CACNA1E: variants seen among roughly 807,000 people sequenced by gnomAD.
The protein encoded by CACNA1E is voltage-dependent R-type calcium channel subunit alpha-1E.
Under a neutral mutation model 259.2 loss-of-function variants are expected in CACNA1E, and 40 were observed. The observed-to-expected ratio is 0.15, with a 90% confidence interval of 0.12 to 0.20. The LOEUF (loss-of-function observed/expected upper bound fraction) is 0.20, where lower values mean the gene tolerates loss of function less well. CACNA1E is among the 10% of genes least tolerant of loss of function. CACNA1E has a pLI of 1.00. For synonymous variants in CACNA1E, 1,104 were observed against 1,138.5 expected, an observed-to-expected ratio of 0.97 and a Z score of 0.61; for missense variants, 1,874 against 3,040.1, an observed-to-expected ratio of 0.62 and a Z score of 9.02.
intron 1 of CACNA1E, among the ~76,000 whole-genome samples, chr1:181,370,887 AC>A (rs1209870882): frequency 2.6e-5 from 4 of 152,216 alleles, no homozygotes; most frequent in African/African-American, 9.6e-5. Context: ...TTACATTTCT[AC>A]CATCAGCATA....
At chr1:181,422,717 G>A (rs957220054) in intron 2 of CACNA1E, among the ~76,000 whole-genome samples, 1 of 152,146 alleles carries the variant, frequency 6.6e-6, no homozygotes, top group Non-Finnish European at 1.5e-5. Context: ...TACTTAGTCC[G>A]ATGCTTGGTT....
intron 6 of CACNA1E, among the ~76,000 whole-genome samples, chr1:181,624,425 A>T (rs1418973573): frequency 6.6e-6 from 1 of 152,178 alleles, no homozygotes; most frequent in Non-Finnish European, 1.5e-5. Flanking sequence ...TTTGAAACTG[A>T]AGTCAATCCT....
intron 1 of CACNA1E, among the ~76,000 whole-genome samples, chr1:181,322,542 C>G (rs1406146909): frequency 6.6e-6 from 1 of 152,174 alleles, no homozygotes; most frequent in Non-Finnish European, 1.5e-5. Flanking sequence ...TGTGTGGTAC[C>G]TTTCTCATTG....
At chr1:181,369,083 CTT>C (rs771539807) in intron 1 of CACNA1E, among the ~76,000 whole-genome samples, 1 of 152,088 alleles carries the variant, frequency 6.6e-6, no homozygotes, top group African/African-American at 2.4e-5. Context: ...AGAGTAGACT[CTT>C]TTGTCTAAGC....
chr1:181,616,920 A>AT (rs1306167285), intron 6 of CACNA1E, among the ~76,000 whole-genome samples: 1 of 152,146 alleles, frequency 6.6e-6, no homozygotes, highest in African/African-American at 2.4e-5. Context: ...TTTTGAAGTA[A>AT]TTTATCCATT....
At chr1:181,356,341 C>CCTGT (rs1553234184) in intron 1 of CACNA1E, among the ~76,000 whole-genome samples, 1 of 146,976 alleles carries the variant, frequency 6.8e-6, no homozygotes, top group Non-Finnish European at 1.5e-5. Flanking sequence ...GCCTTCTATT[C>CCTGT]GTGTGTGTGT....
intron 25 of CACNA1E, among the ~76,000 whole-genome samples, chr1:181,747,527 G>A (rs1657206960): frequency 6.6e-6 from 1 of 150,944 alleles, no homozygotes; most frequent in South Asian, 2.1e-4. Context: ...AAAATGTGTG[G>A]CCCAATTGAG....
intron 6 of CACNA1E, among the ~76,000 whole-genome samples, chr1:181,639,625 G>A (rs1434822612): frequency 6.6e-6 from 1 of 152,140 alleles, no homozygotes; most frequent in Non-Finnish European, 1.5e-5. Context: ...CTAATGAACG[G>A]CAGAGAGAGC....
intron 6 of CACNA1E, among the ~76,000 whole-genome samples, chr1:181,592,532 A>G (rs1652762844): frequency 6.6e-6 from 1 of 151,106 alleles, no homozygotes; most frequent in African/African-American, 2.4e-5. Context: ...AAGTAGGGGA[A>G]AGGTAATTTA....
chr1:181,726,796 C>G (rs1654947503), intron 18 of CACNA1E, among the ~76,000 whole-genome samples: 1 of 151,532 alleles, frequency 6.6e-6, no homozygotes, highest in Admixed American at 6.6e-5. Flanking sequence ...AGAGTCTGCT[C>G]TCAGAGTAAA....
chr1:181,339,218 G>A (rs1165254367), intron 1 of CACNA1E, among the ~76,000 whole-genome samples: 3 of 152,072 alleles, frequency 2.0e-5, no homozygotes, highest in Admixed American at 6.6e-5. Context: ...AATTTTGATA[G>A]GGATTGTGCT....
chr1:181,474,256 A>G (rs1662700193), intron 2 of CACNA1E, among the ~76,000 whole-genome samples: 1 of 152,246 alleles, frequency 6.6e-6, no homozygotes, highest in South Asian at 2.1e-4. Context: ...GTGAAAAAAT[A>G]CAAGCCTTTA....
intron 2 of CACNA1E, among the ~76,000 whole-genome samples, chr1:181,423,633 T>C (rs1333368980): frequency 6.6e-6 from 1 of 151,394 alleles, no homozygotes; most frequent in Non-Finnish European, 1.5e-5. Flanking sequence ...CTTGAAGCTT[T>C]ATGGGTGAAT....
chr1:181,598,554 C>CT (rs757961561), intron 6 of CACNA1E, among the ~76,000 whole-genome samples: 3 of 152,116 alleles, frequency 2.0e-5, no homozygotes, highest in Admixed American at 6.6e-5. Context: ...GGAGATGAGA[C>CT]TGGGGAAGAG....
At chr1:181,739,886 T>C (rs915169394) in intron 25 of CACNA1E, among the ~76,000 whole-genome samples, 2 of 152,060 alleles carry the variant, frequency 1.3e-5, no homozygotes, top group Admixed American at 6.6e-5. Context: ...TTTGTGGGAT[T>C]TTTTTCCCCC....
At chr1:181,547,684 C>T (rs191889753) in intron 3 of CACNA1E, among the ~76,000 whole-genome samples, 3 of 152,196 alleles carry the variant, frequency 2.0e-5, no homozygotes, top group Admixed American at 1.3e-4. Flanking sequence ...TCAACAGCGG[C>T]GGAGATGCAG....
At chr1:181,391,255 TC>T (rs1223955835) in intron 1 of CACNA1E, among the ~76,000 whole-genome samples, 1 of 152,196 alleles carries the variant, frequency 6.6e-6, no homozygotes, top group East Asian at 1.9e-4. Context: ...GCCAGAGTAA[TC>T]TTTCAAAAAA....
At chr1:181,782,873 G>A (rs1052156412) in intron 39 of CACNA1E, among the ~76,000 whole-genome samples, 1 of 152,158 alleles carries the variant, frequency 6.6e-6, no homozygotes, top group African/African-American at 2.4e-5. Flanking sequence ...GTGGGAGAAG[G>A]GGAGCGGGGA....
At chr1:181,764,594 G>A (rs1233770781) in intron 34 of CACNA1E, among the ~76,000 whole-genome samples, 1 of 152,178 alleles carries the variant, frequency 6.6e-6, no homozygotes, top group Non-Finnish European at 1.5e-5. Flanking sequence ...TGGCTCCTAG[G>A]AGCGACCTTG....
Sources: allele counts gnomAD v4.1 joint callset (sites outside exome capture counted in the v4.1 genomes callset), GRCh38; gene constraint gnomAD v4.1.1; transcripts MANE v1.5; gene names NCBI Gene and HGNC (gene_info 2026-07-23, HGNC 2026-07-21).